The following SCD5 variants were observed in gnomAD, a reference collection of about 807,000 sequenced individuals.
SCD5 encodes the protein stearoyl-CoA desaturase 5.
SCD5 carries 20 observed loss-of-function variants against 30.4 expected under a neutral mutation model. The observed-to-expected ratio is 0.66, with a 90% CI of 0.46 to 0.96. The LOEUF is 0.96. Among genes scored for constraint, SCD5 ranks in the 40% least tolerant of loss-of-function variants. The pLI, the probability that SCD5 is intolerant of heterozygous loss-of-function variation, is 0.00. For synonymous variants in SCD5, 173 were observed against 176.4 expected (o/e 0.98, Z 0.16); for missense variants, 381 against 443.3 (o/e 0.86, Z 1.26).
intron 1 of SCD5, among the ~76,000 whole-genome samples, chr4:82,726,435 A>AC (rs1560545091): frequency 2.6e-5 from 4 of 151,086 alleles, no homozygotes; most frequent in South Asian, 4.2e-4. Flanking sequence ...AAAAAAAAAA[A>AC]CAATTACCTT....
At chr4:82,750,090 T>C (rs1482147999) in intron 1 of SCD5, among the ~76,000 whole-genome samples, 1 of 152,208 alleles carries the variant, frequency 6.6e-6, no homozygotes, top group Non-Finnish European at 1.5e-5. Context: ...ACAATTGTAG[T>C]GGGGATTACA....
chr4:82,714,479 T>C (rs1224548155), intron 1 of SCD5, among the ~76,000 whole-genome samples: 2 of 152,228 alleles, frequency 1.3e-5, no homozygotes, highest in Middle Eastern at 3.4e-3. Flanking sequence ...GACCCAGGTA[T>C]ACAGGAGCAC....
At chr4:82,660,504 A>G (rs923471168) in intron 3 of SCD5, 4 of 1,057,778 alleles carry the variant, frequency 3.8e-6, no homozygotes, top group Non-Finnish European at 4.6e-6. Context: ...TCTCCTATAG[A>G]GTGCTGTATG....
intron 2 of SCD5, among the ~76,000 whole-genome samples, chr4:82,697,062 C>T (rs72916856): frequency 8.5e-5 from 13 of 152,092 alleles, no homozygotes; most frequent in Admixed American, 1.3e-4. Flanking sequence ...AGAAAGGTTG[C>T]GAGAAAATAC....
intron 3 of SCD5, among the ~76,000 whole-genome samples, chr4:82,641,935 T>C (rs961630266): frequency 2.0e-5 from 3 of 152,050 alleles, no homozygotes; most frequent in African/African-American, 2.4e-5. Context: ...GAGTGGCATA[T>C]GAAGAGCTCT....
intron 2 of SCD5, among the ~76,000 whole-genome samples, chr4:82,689,997 T>C (rs1039365010): frequency 6.6e-6 from 1 of 152,070 alleles, no homozygotes; most frequent in African/African-American, 2.4e-5. Flanking sequence ...AAAATATTGA[T>C]GGCATAAAAT....
chr4:82,636,532 A>C (rs1183328731), intron 4 of SCD5, 59 bp downstream of exon 4: 1 of 1,341,836 alleles, frequency 7.5e-7, no homozygotes, highest in Non-Finnish European at 1.0e-6. Context: ...AAAACTACTG[A>C]GAGGCCAAGA....
intron 1 of SCD5, among the ~76,000 whole-genome samples, chr4:82,772,733 G>C (rs1721654848): frequency 6.6e-6 from 1 of 152,150 alleles, no homozygotes; most frequent in African/African-American, 2.4e-5. Context: ...GCCCTAGGTG[G>C]GGTGCTCCCC....
chr4:82,728,445 A>C (rs986209445), intron 1 of SCD5, among the ~76,000 whole-genome samples: 1 of 152,212 alleles, frequency 6.6e-6, no homozygotes, highest in African/African-American at 2.4e-5. Context: ...TAGTTTCTAC[A>C]ATCCCTTACT....
At chr4:82,680,204 C>T (rs1261997503) in intron 3 of SCD5, among the ~76,000 whole-genome samples, 2 of 152,216 alleles carry the variant, frequency 1.3e-5, no homozygotes, top group Non-Finnish European at 2.9e-5. Context: ...GTTGAATGGT[C>T]TCATTTTCTC....
At chr4:82,700,424 G>A (rs986509891) in intron 2 of SCD5, among the ~76,000 whole-genome samples, 1 of 151,956 alleles carries the variant, frequency 6.6e-6, no homozygotes, top group African/African-American at 2.4e-5. Context: ...CAAAGACAAA[G>A]AGAAAATCTT....
At position 82,629,795 on chromosome 4, in the gene SCD5, C is replaced by CGGA. The variant is rs1727249701; in HGVS notation, c.*1531_*1532insTCC. ...ATCTAACACAAAGGGCACACTGTCC[C>CGGA]ATTAATTCCACATGCACTTTACAAA... On this transcript the variant is annotated 3_prime_UTR_variant, in exon 5 of 5. Coordinates refer to ENST00000319540, the MANE Select transcript of SCD5 (RefSeq NM_001037582.3). 1 of 152,212 alleles carries CGGA rather than the reference C, an allele frequency of 6.6e-6. No homozygotes were observed. Among genetic ancestry groups the CGGA allele is most frequent in the African/African-American group, 2.4e-5 (1 of 41,440 alleles). 9.4% of individuals were successfully genotyped at this position (152,212 alleles called of 1,614,324 possible).
chr4:82,761,873 A>G (rs934341054), intron 1 of SCD5, among the ~76,000 whole-genome samples: 2 of 151,964 alleles, frequency 1.3e-5, no homozygotes, highest in African/African-American at 4.8e-5. Flanking sequence ...AACCTCACCT[A>G]GAAACCTTAC....
At chr4:82,659,901 A>G (rs1259031575) in intron 3 of SCD5, 2 of 152,088 alleles carry the variant, frequency 1.3e-5, no homozygotes, top group East Asian at 3.8e-4. Context: ...GTCAAAACCC[A>G]TCGGTGTGCT....
intron 1 of SCD5, among the ~76,000 whole-genome samples, chr4:82,740,560 T>C (rs12650482): frequency 0.16 from 24,048 of 152,146 alleles, 3,523 homozygotes; most frequent in African/African-American, 0.39. Context: ...GACAGACATA[T>C]TGACTTACCG....
intron 1 of SCD5, among the ~76,000 whole-genome samples, chr4:82,717,276 T>A (rs1720247624): frequency 6.7e-6 from 1 of 148,974 alleles, no homozygotes; most frequent in Middle Eastern, 3.4e-3. Context: ...CAACACAGAC[T>A]TTTTTTTTGA....
intron 3 of SCD5, among the ~76,000 whole-genome samples, chr4:82,674,938 G>C (rs773084451): frequency 9.2e-5 from 14 of 152,282 alleles, no homozygotes; most frequent in Middle Eastern, 3.4e-3. Flanking sequence ...TATAGAGATA[G>C]TGGAAAGATC....
chr4:82,786,113 T>C (rs956468588), intron 1 of SCD5, among the ~76,000 whole-genome samples: 3 of 152,148 alleles, frequency 2.0e-5, no homozygotes, highest in African/African-American at 4.8e-5. Flanking sequence ...TAAAGAATAG[T>C]AAGTTGGTTA....
At chr4:82,772,094 C>T (rs367598494) in intron 1 of SCD5, among the ~76,000 whole-genome samples, 16 of 152,138 alleles carry the variant, frequency 1.1e-4, no homozygotes, top group South Asian at 1.0e-3. Flanking sequence ...ATTTTGATGG[C>T]GATTTCAGCA....
Sources: gnomAD v4.1 joint callset for allele counts (sites outside exome capture counted in the v4.1 genomes callset) on GRCh38, gnomAD v4.1.1 for gene constraint, MANE v1.5 for transcripts, NCBI Gene and HGNC (gene_info 2026-07-23, HGNC 2026-07-21) for gene names.